Variants in PRDM16 observed in about 807,000 individuals in gnomAD.
The protein encoded by PRDM16 is PR/SET domain 16.
Under a neutral mutation model 110.6 loss-of-function variants are expected in PRDM16, and 23 were observed. The observed-to-expected ratio is 0.21, with a 90% confidence interval of 0.15 to 0.29. The LOEUF (loss-of-function observed/expected upper bound fraction) is 0.29. Among genes scored for constraint, PRDM16 ranks in the 10% least tolerant of loss-of-function variants. PRDM16 has a pLI of 1.00. For missense variants in PRDM16, 1,615 were observed against 1,794.3 expected, an observed-to-expected ratio of 0.90 and a Z score of 1.81; for synonymous variants, 799 against 781.8, an observed-to-expected ratio of 1.02 and a Z score of -0.37.
rs141044555 is a variant in PRDM16, at chr1:3,436,258, G to A, written c.*2447G>A. ...GAAGTGGGACATTCGGACGGATGGA[G>A]CCCTCAGCGTGTCTTTTCAGCAGGA... On this transcript the variant is annotated 3_prime_UTR_variant, in exon 17 of 17. Coordinates refer to ENST00000270722, the MANE Select transcript of PRDM16 (RefSeq NM_022114.4). 13 of 229,366 alleles carry A rather than the reference G, an allele frequency of 5.7e-5. No individual in the cohort carries two copies. Among genetic ancestry groups the A allele is most frequent in the African/African-American group, 2.7e-4 (12 of 45,022 alleles). The allele number at this position is 229,366 out of a possible 1,614,324, so 14.2% of individuals were successfully genotyped here. A position where few individuals can be genotyped will look rare whatever the true frequency, so the allele number is the denominator to read the frequency against.
chr1:3,130,320 C>T (rs761166501), intron 1 of PRDM16, among the ~76,000 whole-genome samples: 1 of 152,198 alleles, frequency 6.6e-6, no homozygotes, highest in Non-Finnish European at 1.5e-5. Flanking sequence ...GTGGTCTAAG[C>T]GCACCACTGT....
intron 4 of PRDM16, among the ~76,000 whole-genome samples, chr1:3,387,732 T>G (rs967910240): frequency 3.9e-5 from 6 of 152,184 alleles, no homozygotes; most frequent in East Asian, 1.9e-4. Context: ...GTTGGCAGCT[T>G]CTTCTCCTGA....
chr1:3,238,818 G>A (rs183044012), intron 2 of PRDM16, among the ~76,000 whole-genome samples: 1 of 152,370 alleles, frequency 6.6e-6, no homozygotes, highest in Admixed American at 6.5e-5. Context: ...TCCTGCCGGA[G>A]CACACTCCTG....
Position 3,069,368 on chromosome 1 carries a change from G to A in PRDM16, c.37+72G>A. 1.5e-6 allele frequency: 1 copy of A among 656,954 alleles called. No homozygotes were observed. The highest frequency in any genetic ancestry group is 1.9e-6 in the Non-Finnish European group (1 of 533,794). 40.7% of individuals were successfully genotyped at this position (656,954 alleles called of 1,614,324 possible). A position where few individuals can be genotyped will look rare whatever the true frequency, so the allele number is the denominator to read the frequency against. ...GCCGGGCCGGGGCGCCCGGGCCAGG[G>A]GTGCGCGTCGGGGCGCGGCCGGCGC... On this transcript the variant is annotated intron_variant, in intron 1 of 16. Transcript: ENST00000270722. The surrounding 1 kb of genome is among the most constrained non-coding windows in gnomAD (Gnocchi z 6.1).
At position 3,419,387 on chromosome 1, in the gene PRDM16, G is replaced by A. The variant is rs543498483; in HGVS notation, c.2939+643G>A. Among the ~76,000 whole-genome samples the A allele has an allele frequency of 2.6e-5, 4 of 152,304 alleles. No homozygotes were observed. In the South Asian group the frequency reaches 8.3e-4, roughly 32 times the overall value. ...TCACACAGCTCATCGGGATGGGGGA[G>A]GCATTGAATTTGGGGCTCACAACAG... On this transcript the variant is annotated intron_variant, in intron 12 of 16. Transcript: ENST00000270722.
chr1:3,071,283 A>T (rs1198476616), intron 1 of PRDM16, among the ~76,000 whole-genome samples: 1 of 152,222 alleles, frequency 6.6e-6, no homozygotes, highest in Non-Finnish European at 1.5e-5. Context: ...CCAGGTGGGG[A>T]AGGTGGCCCG....
chr1:3,233,241 TGTGTCGTCG>T (rs916814776), intron 2 of PRDM16, among the ~76,000 whole-genome samples: 2 of 152,154 alleles, frequency 1.3e-5, no homozygotes, highest in Admixed American at 1.3e-4. Context: ...TAGCACCTCC[TGTGTCGTCG>T]GTGTGGAGGA....
chr1:3,197,282 T>C (rs904479710), intron 2 of PRDM16, among the ~76,000 whole-genome samples: 3 of 152,164 alleles, frequency 2.0e-5, no homozygotes, highest in Non-Finnish European at 4.4e-5. Flanking sequence ...AGGCGGGCCC[T>C]TTCTGCCCCT....
intron 2 of PRDM16, among the ~76,000 whole-genome samples, chr1:3,205,354 C>T (rs575847912): frequency 4.1e-4 from 62 of 152,282 alleles, no homozygotes; most frequent in African/African-American, 1.5e-3. Flanking sequence ...ACTCCACTTA[C>T]ACCCGGGAAA....
Position 3,402,941 on chromosome 1 carries a change from G to A in PRDM16, c.827G>A (p.Gly276Asp). 1 of 1,612,632 alleles carries A rather than the reference G, an allele frequency of 6.2e-7. No individual in the cohort carries two copies. The highest frequency in any genetic ancestry group is 8.5e-7 in the Non-Finnish European group (1 of 1,179,926). ...CTCAAGCCCGAGGGCCTTGGCGGTG[G>A]CAGCGGCCAAGCCCACGAGTGCAAG... ...EELKPEGLGG[G>D]SGQAHECKDC... The change falls in exon 6 of 17, where the codon GGC becomes GAC. Residue 276 changes from glycine (G) to aspartate (D), a missense_variant. Transcript: ENST00000270722.
chr1:3,316,660 A>G (rs1252375597), intron 3 of PRDM16, among the ~76,000 whole-genome samples: 1 of 145,264 alleles, frequency 6.9e-6, no homozygotes, highest in Non-Finnish European at 1.5e-5. Context: ...ACAGTGACAC[A>G]GGGTAGACAG....
At chr1:3,239,256 G>A (rs919729396) in intron 2 of PRDM16, among the ~76,000 whole-genome samples, 2 of 152,192 alleles carry the variant, frequency 1.3e-5, no homozygotes, top group Non-Finnish European at 2.9e-5. Context: ...GGCTCAGTGT[G>A]GCCTGGTCAT....
rs572092688 is a variant in PRDM16, at chr1:3,417,934, G to T, written c.2798G>T (p.Arg933Leu). The T allele has an allele frequency of 6.8e-7, 1 of 1,468,136 alleles. No homozygotes were observed. Among genetic ancestry groups the T allele is most frequent in the African/African-American group, 1.5e-5 (1 of 68,934 alleles). 90.9% of individuals were successfully genotyped at this position (1,468,136 alleles called of 1,614,324 possible). A position where few individuals can be genotyped will look rare whatever the true frequency, so the allele number is the denominator to read the frequency against. ...QPLPHHPFNF[R>L]SPPPTLSDPI... ...CTCCCCCACCACCCCTTCAACTTCC[G>T]GTCCCCACCCCCAACGCTCTCCGAC... The change falls in exon 11 of 17, where the codon CGG (arginine) becomes CTG (leucine). Residue 933 changes from arginine (R) to leucine (L), a missense_variant. Coordinates refer to ENST00000270722, the MANE Select transcript of PRDM16 (RefSeq NM_022114.4).
chr1:3,084,572 G>A (rs545558996), intron 1 of PRDM16, among the ~76,000 whole-genome samples: 3 of 152,274 alleles, frequency 2.0e-5, no homozygotes, highest in South Asian at 2.1e-4. Flanking sequence ...GCCGAAATTC[G>A]AGGTGCAGCC....
chr1:3,303,723 G>A (rs530156990), intron 3 of PRDM16, among the ~76,000 whole-genome samples: 46 of 152,350 alleles, frequency 3.0e-4, no homozygotes, highest in African/African-American at 7.7e-4. Flanking sequence ...GCAGACGCCC[G>A]CCTGTCTTTC....
At chr1:3,337,097 A>G (rs1406918060) in intron 3 of PRDM16, among the ~76,000 whole-genome samples, 2 of 150,884 alleles carry the variant, frequency 1.3e-5, no homozygotes, top group African/African-American at 4.9e-5. Context: ...ATGCATCCAC[A>G]TGAGTGTTGG....
At chr1:3,321,165 A>G (rs1641731918) in intron 3 of PRDM16, among the ~76,000 whole-genome samples, 1 of 152,122 alleles carries the variant, frequency 6.6e-6, no homozygotes. Flanking sequence ...GGGGAATCTG[A>G]GGTGTGTGTG....
At chr1:3,276,745 C>T (rs1438307657) in intron 3 of PRDM16, among the ~76,000 whole-genome samples, 3 of 7,770 alleles carry the variant, frequency 3.9e-4, no homozygotes, top group Admixed American at 1.4e-3. Flanking sequence ...CACGGTTTCC[C>T]CTTTCTCCCT....
chr1:3,270,320 T>C (rs1640412486), intron 3 of PRDM16, among the ~76,000 whole-genome samples: 1 of 136,528 alleles, frequency 7.3e-6, no homozygotes, highest in African/African-American at 2.9e-5. Flanking sequence ...AGGAGCACAG[T>C]CCAAGAGGAT....
Sources: allele counts gnomAD v4.1 joint callset (sites outside exome capture counted in the v4.1 genomes callset), GRCh38; gene constraint gnomAD v4.1.1; non-coding constraint Gnocchi (gnomAD v3.1); transcripts MANE v1.5; gene names NCBI Gene and HGNC (gene_info 2026-07-23, HGNC 2026-07-21).